Variants in TMOD1 observed in about 807,000 individuals in gnomAD.
TMOD1 encodes tropomodulin 1.
In TMOD1, 17 loss-of-function variants were observed where a neutral mutation model predicts 40.6. The ratio of observed to expected loss-of-function variants is 0.42; its 90% confidence interval spans 0.29 to 0.63. The LOEUF (loss-of-function observed/expected upper bound fraction) is 0.63, where lower values mean the gene tolerates loss of function less well. Ranked by LOEUF, TMOD1 falls within the 20% of genes least tolerant of loss-of-function variation. The pLI, the probability that TMOD1 is intolerant of heterozygous loss-of-function variation, is 0.22. For synonymous variants in TMOD1, 181 were observed against 175.0 expected (o/e 1.03, Z -0.27); for missense variants, 391 against 447.6 (o/e 0.87, Z 1.14).
intron 8 of TMOD1, among the ~76,000 whole-genome samples, chr9:97,574,715 G>A (rs1333897227): frequency 6.6e-6 from 1 of 152,234 alleles, no homozygotes; most frequent in Non-Finnish European, 1.5e-5. Flanking sequence ...TCTGTATCTA[G>A]CTCAAGGTTT....
At chr9:97,586,826 C>A (rs377710842) in intron 8 of TMOD1, among the ~76,000 whole-genome samples, 1 of 152,108 alleles carries the variant, frequency 6.6e-6, no homozygotes, top group Non-Finnish European at 1.5e-5. Context: ...TGACCCCTTG[C>A]GCTTCCCAGG....
intron 8 of TMOD1, among the ~76,000 whole-genome samples, chr9:97,581,574 A>T (rs1243172911): frequency 1.3e-5 from 2 of 151,344 alleles, no homozygotes; most frequent in Admixed American, 1.3e-4. Flanking sequence ...CGCCACACTG[A>T]CTTCCACAAT....
chr9:97,597,377 C>T (rs1033884508), intron 9 of TMOD1, among the ~76,000 whole-genome samples: 11 of 152,160 alleles, frequency 7.2e-5, no homozygotes, highest in African/African-American at 2.7e-4. Context: ...GATGCCTTTC[C>T]CTTCTCTCCA....
chr9:97,502,139 G>T lies in TMOD1; in HGVS notation c.-49+336G>T, dbSNP rs1829512251. Among the ~76,000 whole-genome samples, 2 of 152,062 alleles carry T rather than the reference G, an allele frequency of 1.3e-5. No homozygotes were observed. Among genetic ancestry groups the T allele is most frequent in the South Asian group, 2.1e-4 (1 of 4,824 alleles). On this transcript the variant is annotated intron_variant, in intron 1 of 9. Transcript: ENST00000259365. The surrounding 1 kb of genome is among the most constrained non-coding windows in gnomAD (Gnocchi z 6.1). ...AGACGGCGCCCCGGGCTGGGGTCCT[G>T]GCGGAGGGGCGCCCCCGCCACCCGC...
intron 6 of TMOD1, among the ~76,000 whole-genome samples, chr9:97,564,865 G>T (rs914058827): frequency 1.3e-5 from 2 of 151,702 alleles, no homozygotes; most frequent in Non-Finnish European, 2.9e-5. Flanking sequence ...GGAGGGGGGT[G>T]GGGGTAAGAC....
chr9:97,600,920 G>C lies in TMOD1; in HGVS notation c.*1222G>C. The C allele has an allele frequency of 8.7e-7, 1 of 1,152,958 alleles. No individual in the cohort carries two copies. Among genetic ancestry groups the C allele is most frequent in the Non-Finnish European group, 1.1e-6 (1 of 915,370 alleles). 71.4% of individuals were successfully genotyped at this position (1,152,958 alleles called of 1,614,324 possible). Reference sequence around the variant, plus strand: ...GCCAGTTAAACTAATATTTTTGTTTGTTGCTTTTGGGAGTTATTTTCATTA... The same window carrying C: ...GCCAGTTAAACTAATATTTTTGTTTCTTGCTTTTGGGAGTTATTTTCATTA... On this transcript the variant is annotated 3_prime_UTR_variant, in exon 10 of 10. Coordinates refer to ENST00000259365, the MANE Select transcript of TMOD1 (RefSeq NM_003275.4).
chr9:97,552,376 C>T (rs551383371), intron 3 of TMOD1, among the ~76,000 whole-genome samples: 2 of 152,326 alleles, frequency 1.3e-5, no homozygotes, highest in African/African-American at 4.8e-5. Context: ...CACAACCCAT[C>T]CTGTCATCTT....
At chr9:97,510,090 A>C (rs950669850) in intron 1 of TMOD1, among the ~76,000 whole-genome samples, 1 of 152,106 alleles carries the variant, frequency 6.6e-6, no homozygotes, top group African/African-American at 2.4e-5. Context: ...ATTAATTTTC[A>C]TATTGGTTTT....
chr9:97,533,726 A>C (rs1374591615), intron 2 of TMOD1, among the ~76,000 whole-genome samples: 2 of 152,248 alleles, frequency 1.3e-5, no homozygotes, highest in Non-Finnish European at 2.9e-5. Context: ...GGGGATCCAA[A>C]ACCAGAGAGC....
At chr9:97,540,417 T>G (rs910700839) in intron 2 of TMOD1, among the ~76,000 whole-genome samples, 1 of 152,170 alleles carries the variant, frequency 6.6e-6, no homozygotes, top group Non-Finnish European at 1.5e-5. Flanking sequence ...ACCAATCCTA[T>G]CAGATCAGGG....
chr9:97,514,814 G>A (rs112302083), intron 1 of TMOD1, among the ~76,000 whole-genome samples: 228 of 152,322 alleles, frequency 1.5e-3, no homozygotes, highest in African/African-American at 5.1e-3. Context: ...ATTGTGTTGC[G>A]GCAGCGGCCA....
At chr9:97,516,872 CT>C in intron 1 of TMOD1, 1 of 151,922 alleles carries the variant, frequency 6.6e-6, no homozygotes, top group Non-Finnish European at 1.5e-5. Context: ...AGTTTTTAGT[CT>C]GAGAAAATGA....
chr9:97,524,578 G>T (rs2131222254), intron 2 of TMOD1, among the ~76,000 whole-genome samples: 2 of 148,952 alleles, frequency 1.3e-5, no homozygotes, highest in South Asian at 2.1e-4. Context: ...TTGTTATAAG[G>T]CTTTAGCTTG....
chr9:97,600,712 A>G lies in TMOD1; in HGVS notation c.*1014A>G. ...ATTAAGCCTCCGCAGGATGCCGGACAATGGTGAAGAAACTCCAGATATCAA... is the reference window on the plus strand; with the variant it reads ...ATTAAGCCTCCGCAGGATGCCGGACGATGGTGAAGAAACTCCAGATATCAA... On this transcript the variant is annotated 3_prime_UTR_variant, in exon 10 of 10. Coordinates refer to ENST00000259365, the MANE Select transcript of TMOD1 (RefSeq NM_003275.4). The G allele has an allele frequency of 9.9e-7, 1 of 1,005,214 alleles. No individual in the cohort carries two copies. Among genetic ancestry groups the G allele is most frequent in the Admixed American group, 5.9e-5 (1 of 17,082 alleles). The allele number at this position is 1,005,214 out of a possible 1,614,324, so 62.3% of individuals were successfully genotyped here.
chr9:97,535,128 A>C (rs1403460797), intron 2 of TMOD1, among the ~76,000 whole-genome samples: 1 of 152,198 alleles, frequency 6.6e-6, no homozygotes, highest in Non-Finnish European at 1.5e-5. Context: ...TTGGTCAAGA[A>C]TTCGTAGGTC....
At chr9:97,520,773 GC>G (rs1383372015) in intron 1 of TMOD1, among the ~76,000 whole-genome samples, 2 of 152,104 alleles carry the variant, frequency 1.3e-5, no homozygotes, top group Non-Finnish European at 2.9e-5. Context: ...TTCATGATTT[GC>G]CCCCCTCAGG....
At chr9:97,549,045 C>T (rs1011034096) in intron 3 of TMOD1, among the ~76,000 whole-genome samples, 2 of 152,156 alleles carry the variant, frequency 1.3e-5, no homozygotes, top group Non-Finnish European at 2.9e-5. Flanking sequence ...CATAAACTGG[C>T]ACAAAGCCCT....
chr9:97,502,408 A>G lies in TMOD1; in HGVS notation c.-49+605A>G, dbSNP rs1174273310. 3.3e-5 allele frequency among the ~76,000 whole-genome samples: 5 copies of G among 152,324 alleles called. No individual in the cohort carries two copies. The South Asian group carries it at 1.0e-3, about 32-fold the overall frequency. ...CACCACGACACGCGCTACGCGGCCA[A>G]GTGGAGCTGGAAAGAGCTTGGAGGC... On this transcript the variant is annotated intron_variant, in intron 1 of 9. Transcript: ENST00000259365. This position sits in a 1 kb window ranked among gnomAD's most constrained non-coding sequence, Gnocchi z 6.1.
chr9:97,523,245 G>T (rs1829945730), intron 1 of TMOD1, among the ~76,000 whole-genome samples: 1 of 152,294 alleles, frequency 6.6e-6, no homozygotes, highest in Non-Finnish European at 1.5e-5. Context: ...CAAATGCGTT[G>T]GGTGTCATCT....
Sources: allele counts gnomAD v4.1 joint callset (sites outside exome capture counted in the v4.1 genomes callset), GRCh38; gene constraint gnomAD v4.1.1; non-coding constraint Gnocchi (gnomAD v3.1); transcripts MANE v1.5; gene names NCBI Gene and HGNC (gene_info 2026-07-23, HGNC 2026-07-21).